Variants in MAML3 observed in about 807,000 individuals in gnomAD.
MAML3 encodes mastermind-like protein 3.
Under a neutral mutation model 101.9 loss-of-function variants are expected in MAML3, and 27 were observed. The observed-to-expected ratio is 0.27, with a 90% CI of 0.20 to 0.37. The LOEUF (loss-of-function observed/expected upper bound fraction) is 0.37. Ranked by LOEUF, MAML3 falls within the 10% of genes least tolerant of loss-of-function variation. MAML3 has a pLI of 1.00. For missense variants in MAML3, 1,316 were observed against 1,444.9 expected (o/e 0.91, Z 1.45); for synonymous variants, 501 against 555.9 (o/e 0.90, Z 1.39).
At chr4:139,798,882 G>A (rs966143852) in intron 2 of MAML3, among the ~76,000 whole-genome samples, 2 of 152,164 alleles carry the variant, frequency 1.3e-5, no homozygotes, top group South Asian at 2.1e-4. Flanking sequence ...TTCTCATCCT[G>A]ATGTCCTACC....
At chr4:139,864,935 T>TTG (rs1731867630) in intron 2 of MAML3, among the ~76,000 whole-genome samples, 2 of 141,580 alleles carry the variant, frequency 1.4e-5, no homozygotes, top group South Asian at 2.2e-4. Flanking sequence ...TTTTTTTTTT[T>TTG]TTTTTTTTTT....
chr4:140,111,077 T>A (rs1183113221), intron 1 of MAML3, among the ~76,000 whole-genome samples: 2 of 152,202 alleles, frequency 1.3e-5, no homozygotes, highest in African/African-American at 4.8e-5. Flanking sequence ...TAACCAGCTG[T>A]CAGCACATTA....
chr4:140,089,696 A>G (rs1728012538), intron 1 of MAML3, among the ~76,000 whole-genome samples: 1 of 152,256 alleles, frequency 6.6e-6, no homozygotes, highest in South Asian at 2.1e-4. Flanking sequence ...CAGAAAAAAC[A>G]GAACCATAGG....
chr4:139,762,517 C>A (rs1316811861), intron 2 of MAML3, among the ~76,000 whole-genome samples: 1 of 152,100 alleles, frequency 6.6e-6, no homozygotes, highest in East Asian at 1.9e-4. Flanking sequence ...TAGTGTTTGC[C>A]AAATGATAAC....
At chr4:139,896,953 C>T (rs1210365886) in intron 1 of MAML3, among the ~76,000 whole-genome samples, 4 of 152,176 alleles carry the variant, frequency 2.6e-5, no homozygotes, top group African/African-American at 7.2e-5. Context: ...CCTCTGCTGA[C>T]ACGGGGGCCC....
At chr4:140,091,532 C>CAAAAAA (rs1218380120) in intron 1 of MAML3, among the ~76,000 whole-genome samples, 1 of 12,082 alleles carries the variant, frequency 8.3e-5, no homozygotes. Flanking sequence ...AACAAAACAA[C>CAAAAAA]AAAACAAAAA....
intron 1 of MAML3, among the ~76,000 whole-genome samples, chr4:140,002,041 C>A (rs1469801889): frequency 1.8e-5 from 2 of 114,004 alleles, no homozygotes; most frequent in African/African-American, 6.4e-5. Flanking sequence ...TTACCTCACA[C>A]ACTTATCATT....
intron 1 of MAML3, among the ~76,000 whole-genome samples, chr4:139,905,118 G>T (rs540816142): frequency 7.9e-5 from 12 of 152,338 alleles, no homozygotes; most frequent in African/African-American, 2.6e-4. Context: ...AAGAAGCTTG[G>T]ACTTTATCCA....
rs572591309 is a variant in MAML3 at position 139,922,138 on chromosome 4, C to G, written c.469-31171G>C. On this transcript the variant is annotated intron_variant, in intron 1 of 4. Transcript: ENST00000509479. ...ATTGTTAAGAGGGCTTTAAGCCAGCCTGTTAGTAATACTGTCTCCTGCGTT... is the reference window on the plus strand; with the variant it reads ...ATTGTTAAGAGGGCTTTAAGCCAGCGTGTTAGTAATACTGTCTCCTGCGTT... Among the ~76,000 whole-genome samples, 22 of 152,206 alleles carry G rather than the reference C, an allele frequency of 1.4e-4. 1 individual carries two copies. The highest frequency in any genetic ancestry group is 5.1e-4 in the African/African-American group (21 of 41,532).
rs146638205 is a variant in MAML3 at position 139,958,366 on chromosome 4, G to T, written c.469-67399C>A. 2.7e-4 allele frequency among the ~76,000 whole-genome samples: 41 copies of T among 152,250 alleles called. No homozygotes were observed. In the Middle Eastern group the frequency reaches 0.01, roughly 38 times the overall value. ...TAAATATTTATTGAGTGTAACCTAT[G>T]TTCAAAAGACAGTGTGGAGGATACC... On this transcript the variant is annotated intron_variant, in intron 1 of 4. Coordinates refer to ENST00000509479, the MANE Select transcript of MAML3 (RefSeq NM_018717.5).
chr4:140,065,442 T>C (rs1727519616), intron 1 of MAML3, among the ~76,000 whole-genome samples: 1 of 152,238 alleles, frequency 6.6e-6, no homozygotes, highest in African/African-American at 2.4e-5. Context: ...CCATTCTTTC[T>C]GCTTTTGGAA....
intron 2 of MAML3, among the ~76,000 whole-genome samples, chr4:139,802,166 G>C (rs575461222): frequency 6.6e-6 from 1 of 152,150 alleles, no homozygotes; most frequent in African/African-American, 2.4e-5. Flanking sequence ...TTACAGAATG[G>C]GGTAGCAGAG....
chr4:140,144,883 T>A (rs1326619671), intron 1 of MAML3, among the ~76,000 whole-genome samples: 1 of 152,224 alleles, frequency 6.6e-6, no homozygotes, highest in East Asian at 1.9e-4. Flanking sequence ...TCTCCTACCT[T>A]AACACTAGTT....
chr4:139,986,764 C>G (rs1293586643), intron 1 of MAML3, among the ~76,000 whole-genome samples: 1 of 152,144 alleles, frequency 6.6e-6, no homozygotes, highest in African/African-American at 2.4e-5. Context: ...AAGCCAGTGG[C>G]TCTGGTTAAC....
Position 139,885,960 on chromosome 4 carries a change from A to AAAAAG in MAML3, c.2079+3396_2079+3397insCTTTT, listed in dbSNP as rs771617532. Among the ~76,000 whole-genome samples the AAAAAG allele has an allele frequency of 7.8e-3, 1,045 of 134,138 alleles. 36 individuals are homozygous for AAAAAG. Among genetic ancestry groups the AAAAAG allele is most frequent in the Non-Finnish European group, 0.011 (727 of 63,674 alleles). The allele number at this position is 134,138 out of a possible 152,430, so 88.0% of individuals were successfully genotyped here. ...AAAAAAAAAAAAAAAAAAAAAAAGA[A>AAAAAG]AGAGAAAAAAAGTAAAGGGAATAAA... On this transcript the variant is annotated intron_variant, in intron 2 of 4. Transcript: ENST00000509479.
At chr4:139,812,824 A>G (rs1306214089) in intron 2 of MAML3, among the ~76,000 whole-genome samples, 2 of 152,182 alleles carry the variant, frequency 1.3e-5, no homozygotes, top group African/African-American at 2.4e-5. Context: ...ACTCTTCACA[A>G]TGAAGGTACA....
intron 1 of MAML3, among the ~76,000 whole-genome samples, chr4:139,952,976 T>C (rs1185986063): frequency 6.6e-6 from 1 of 152,120 alleles, no homozygotes; most frequent in Non-Finnish European, 1.5e-5. Flanking sequence ...AGAAAAAAAC[T>C]CATATTTGAG....
intron 1 of MAML3, among the ~76,000 whole-genome samples, chr4:140,006,651 A>G (rs766548005): frequency 3.3e-5 from 5 of 151,838 alleles, no homozygotes; most frequent in Non-Finnish European, 7.4e-5. Flanking sequence ...GGCAGAGCAG[A>G]AAAAAAGGTG....
chr4:140,021,620 A>T (rs1306618456), intron 1 of MAML3, among the ~76,000 whole-genome samples: 2 of 152,060 alleles, frequency 1.3e-5, no homozygotes, highest in Non-Finnish European at 2.9e-5. Flanking sequence ...TGACCCAAGA[A>T]TTTCTCTTCC....
Sources: allele counts gnomAD v4.1 joint callset (sites outside exome capture counted in the v4.1 genomes callset), GRCh38; gene constraint gnomAD v4.1.1; transcripts MANE v1.5; gene names NCBI Gene and HGNC (gene_info 2026-07-23, HGNC 2026-07-21).